The following SNRNP200 variants were observed in gnomAD, a reference collection of about 807,000 sequenced individuals.
The protein encoded by SNRNP200 is small nuclear ribonucleoprotein U5 subunit 200, also known as U5 small nuclear ribonucleoprotein 200 kDa helicase.
SNRNP200 carries 66 observed loss-of-function variants against 255.2 expected under a neutral mutation model. The ratio of observed to expected loss-of-function variants is 0.26; its 90% CI spans 0.21 to 0.32. The LOEUF is 0.32. SNRNP200 is among the 10% of genes least tolerant of loss of function. The pLI is 1.00. For synonymous variants in SNRNP200, 939 were observed against 1,027.8 expected (o/e 0.91, Z 1.65); for missense variants, 1,585 against 2,749.8 (o/e 0.58, Z 9.47).
At position 96,289,882 on chromosome 2, in the gene SNRNP200, G is replaced by T. The variant is rs150917167; in HGVS notation, c.2857C>A (p.Arg953=). The stretch of plus-strand genomic sequence containing the variant: ...GCAGCTGTATGAACCAGATCTAGTC[G>T]GCGCTGGTCCAGCAGGGGATCTCCC... The part of the protein sequence containing the change: ...LKGDPLLDQR[R]LDLVHTAALM... The change falls in exon 21 of 45, where the codon CGA becomes AGA. Residue 953 remains arginine, a synonymous_variant. Transcript: ENST00000323853. The T allele has an allele frequency of 4.3e-5, 69 of 1,614,088 alleles. No individual in the cohort carries two copies. In the African/African-American group the frequency reaches 7.3e-4, roughly 17 times the overall value.
rs2063882563 is a variant in SNRNP200, at chr2:96,291,235, A to C, written c.2421+157T>G. On this transcript the variant is annotated intron_variant, in intron 18 of 44. Transcript: ENST00000323853. This position sits in a 1 kb window ranked among gnomAD's most constrained non-coding sequence, Gnocchi z 4.2. Reference sequence around the variant, plus strand: ...AGGTGGGAAGAGTTGGGAGAGTAGCATAAGGTTCTATTTATTGTGTCCACC... The same window carrying C: ...AGGTGGGAAGAGTTGGGAGAGTAGCCTAAGGTTCTATTTATTGTGTCCACC... Among the ~76,000 whole-genome samples, 3 of 152,182 alleles carry C rather than the reference A, an allele frequency of 2.0e-5. No homozygotes were observed. The highest frequency in any genetic ancestry group is 6.6e-5 in the Admixed American group (1 of 15,266).
chr2:96,289,974 T>C lies in SNRNP200; in HGVS notation c.2765A>G (p.Tyr922Cys). Residue 922 changes from tyrosine to cysteine, a missense_variant, in exon 21 of 45, where the codon TAT (tyrosine) becomes TGT (cysteine). By Grantham distance (194) the Tyr-to-Cys change is radical (BLOSUM62 -2). Around this residue, in one of 9 missense-constraint regions of SNRNP200, gnomAD observed 719 missense variants for 1,091.1 expected, o/e 0.66. Transcript: ENST00000323853. ...NAKDAVNWLGYAYLYIRMLRS... is the reference protein window; with the variant it reads ...NAKDAVNWLGCAYLYIRMLRS... The stretch of plus-strand genomic sequence containing the variant: ...CAGCATTCGGATATAGAGGTAGGCA[T>C]AGCCCAGCCAGTTCACCGCATCCTA... The C allele has an allele frequency of 6.2e-7, 1 of 1,614,178 alleles. No homozygotes were observed. Among genetic ancestry groups the C allele is most frequent in the Non-Finnish European group, 8.5e-7 (1 of 1,180,038 alleles).
Position 96,286,958 on chromosome 2 carries a change from G to A in SNRNP200, c.3639+48C>T, listed in dbSNP as rs570540011. On this transcript the variant is annotated intron_variant, in intron 27 of 44. Coordinates refer to ENST00000323853, the MANE Select transcript of SNRNP200 (RefSeq NM_014014.5). The surrounding 1 kb of genome is among the most constrained non-coding windows in gnomAD (Gnocchi z 4.8). The stretch of plus-strand genomic sequence containing the variant: ...CAATCCATCTCCTCGGCCCAGCAAC[G>A]TAGACTGAGCACCTCCAATCCAGCA... 31 of 1,613,780 alleles carry A rather than the reference G, an allele frequency of 1.9e-5. No homozygotes were observed. The highest frequency in any genetic ancestry group is 1.3e-4 in the South Asian group (12 of 91,072).
In SNRNP200 at chr2:96,298,416, T is replaced by A; in HGVS notation, c.987A>T (p.Leu329Phe). 1 of 1,613,980 alleles carries A rather than the reference T, an allele frequency of 6.2e-7. No individual in the cohort carries two copies. Among genetic ancestry groups the A allele is most frequent in the Non-Finnish European group, 8.5e-7 (1 of 1,180,004 alleles). The change falls in exon 9 of 45, where the codon TTA (leucine) becomes TTT (phenylalanine). Residue 329 changes from leucine (L) to phenylalanine (F), a missense_variant. By Grantham distance (22) the Leu-to-Phe change is conservative (BLOSUM62 0). Coordinates refer to ENST00000323853, the MANE Select transcript of SNRNP200 (RefSeq NM_014014.5). ...GTGCACTGGCCAGCAAGGTACAGTA[T>A]AAAACTACCCACAACAAAAGGAACA... ...KVLRQHRMMI[L>F]YCTLLASAQS...
At chr2:96,296,780 T>C in intron 12 of SNRNP200, 89 bp from the exon 13 acceptor site, 4 of 1,568,030 alleles carry the variant, frequency 2.6e-6, no homozygotes, top group Non-Finnish European at 3.5e-6. Context: ...AAATAGAGAA[T>C]AGAGCTTGTC....
At position 96,286,700 on chromosome 2, in the gene SNRNP200, C is replaced by T. The variant is rs1476508364; in HGVS notation, c.3817G>A (p.Asp1273Asn). The T allele has an allele frequency of 1.9e-6, 3 of 1,613,690 alleles. No homozygotes were observed. Among genetic ancestry groups the T allele is most frequent in the Non-Finnish European group, 2.5e-6 (3 of 1,180,024 alleles). The change falls in exon 28 of 45, where the codon GAC (aspartate) becomes AAC (asparagine). Residue 1273 changes from aspartate to asparagine, a missense_variant. By Grantham distance (23) the Asp-to-Asn change is conservative. Around this residue, in one of 9 missense-constraint regions of SNRNP200, gnomAD observed 719 missense variants for 1,091.1 expected, o/e 0.66. Coordinates refer to ENST00000323853, the MANE Select transcript of SNRNP200 (RefSeq NM_014014.5). The surrounding 1 kb of genome is among the most constrained non-coding windows in gnomAD (Gnocchi z 4.8). The part of the protein sequence containing the change: ...PPQYFIRVVS[D>N]RWLSCETQLP... ...AGGAGACACTCACAGAGCCAGCGGT[C>T]AGACACCACTCGGATGAAGTACTGA...
Position 96,286,620 on chromosome 2 carries a change from A to G in SNRNP200, c.3829+68T>C. The G allele has an allele frequency of 6.3e-7, 1 of 1,599,592 alleles. No homozygotes were observed. The highest frequency in any genetic ancestry group is 8.5e-7 in the Non-Finnish European group (1 of 1,169,724). On this transcript the variant is annotated intron_variant, in intron 28 of 44. Transcript: ENST00000323853. The surrounding 1 kb of genome is among the most constrained non-coding windows in gnomAD (Gnocchi z 4.8). ...CCCAGCAAGGGCAAGCCCGGGACAAAGTGCAAGACATTCTTCTACTGTCCT... is the reference window on the plus strand; with the variant it reads ...CCCAGCAAGGGCAAGCCCGGGACAAGGTGCAAGACATTCTTCTACTGTCCT...
intron 10 of SNRNP200, 23 bp downstream of exon 10, chr2:96,297,614 A>G (rs753340165): frequency 9.9e-6 from 16 of 1,614,080 alleles, no homozygotes; most frequent in Middle Eastern, 1.6e-4. Flanking sequence ...AAGGCCTGGG[A>G]AATAAATCGC....
chr2:96,297,584 A>C, intron 10 of SNRNP200, 48 bp from the exon 11 acceptor site: 1 of 1,614,172 alleles, frequency 6.2e-7, no homozygotes, highest in Middle Eastern at 1.7e-4. Context: ...CAAGCCGAGC[A>C]AGTGAGTTTT....
At chr2:96,276,861 T>C (rs1324807322) in intron 43 of SNRNP200, 43 bp downstream of exon 43, 4 of 1,585,476 alleles carry the variant, frequency 2.5e-6, no homozygotes, top group African/African-American at 2.7e-5. Flanking sequence ...AGCCAATGGA[T>C]AGGGTGAGTT....
intron 43 of SNRNP200, 114 bp downstream of exon 43, chr2:96,276,790 G>A (rs898206935): frequency 2.1e-6 from 2 of 962,900 alleles, no homozygotes; most frequent in Non-Finnish European, 1.7e-6. Context: ...ACCCTTGTGA[G>A]CTGATTATCA....
Position 96,289,348 on chromosome 2 carries a change from T to C in SNRNP200, c.2972A>G (p.Tyr991Cys). Residue 991 changes from tyrosine (Y) to cysteine (C), a missense_variant, in exon 22 of 45, where the codon TAC becomes TGC. Tyr to Cys is a radical substitution (Grantham distance 194). Transcript: ENST00000323853. Reference sequence around the variant, plus strand: ...CTGCACTGTATCATTGGTGATGTAGTAGTGGCTGGCTATACGGCCCAGTTC... The same window carrying C: ...CTGCACTGTATCATTGGTGATGTAGCAGTGGCTGGCTATACGGCCCAGTTC... ...VTELGRIASH[Y>C]YITNDTVQTY... 1 of 1,614,158 alleles carries C rather than the reference T, an allele frequency of 6.2e-7. No homozygotes were observed. Among genetic ancestry groups the C allele is most frequent in the Non-Finnish European group, 8.5e-7 (1 of 1,180,006 alleles).
At chr2:96,305,271 A>C in intron 1 of SNRNP200, 122 bp downstream of exon 1, 1 of 1,291,216 alleles carries the variant, frequency 7.7e-7, no homozygotes, top group Non-Finnish European at 1.1e-6. Context: ...CTTCACCCCG[A>C]TTCCATTTCC....
intron 5 of SNRNP200, 40 bp downstream of exon 5, chr2:96,300,958 C>A (rs367638968): frequency 6.4e-7 from 1 of 1,569,332 alleles, no homozygotes; most frequent in Non-Finnish European, 8.8e-7. Flanking sequence ...CCTTAATCAA[C>A]GTCAAAAACA....
chr2:96,301,022 A>C lies in SNRNP200; in HGVS notation c.606T>G (p.Asn202Lys). 1 of 1,614,064 alleles carries C rather than the reference A, an allele frequency of 6.2e-7. No individual in the cohort carries two copies. The highest frequency in any genetic ancestry group is 8.5e-7 in the Non-Finnish European group (1 of 1,179,932). Reference protein sequence around the residue: ...DDNIDETYGVNVQFESDEEEG... With the variant: ...DDNIDETYGVKVQFESDEEEG... ...CCTCCTCATCAGACTCAAACTGCACATTCACACCGTATGTCTCATCAATGT... is the reference window on the plus strand; with the variant it reads ...CCTCCTCATCAGACTCAAACTGCACCTTCACACCGTATGTCTCATCAATGT... Residue 202 changes from asparagine to lysine, a missense_variant, in exon 5 of 45, where the codon AAT becomes AAG. Around this residue, in one of 9 missense-constraint regions of SNRNP200, gnomAD observed 383 missense variants for 645.3 expected, o/e 0.59. Coordinates refer to ENST00000323853, the MANE Select transcript of SNRNP200 (RefSeq NM_014014.5).
Position 96,289,254 on chromosome 2 carries a change from A to G in SNRNP200, c.3066T>C (p.Ser1022=). ...CTCTCACTGTGATGTTCTTGAACTC[A>G]GAGGACAATGAGAAGACCCTGAAAA... ...IELFRVFSLS[S]EFKNITVREE... Residue 1022 remains serine, a synonymous_variant, in exon 22 of 45, where the codon TCT becomes TCC. Transcript: ENST00000323853. The G allele has an allele frequency of 3.1e-6, 5 of 1,614,262 alleles. No homozygotes were observed. The highest frequency in any genetic ancestry group is 4.2e-6 in the Non-Finnish European group (5 of 1,180,038).
At position 96,283,128 on chromosome 2, in the gene SNRNP200, C is replaced by A; in HGVS notation, c.4915+73G>T. ...GTATGCTGTAGAGAAAACACTGCCA[C>A]CCGCACCCCTCAAGTTTAACACCAC... On this transcript the variant is annotated intron_variant, in intron 34 of 44. Transcript: ENST00000323853. The surrounding 1 kb of genome is among the most constrained non-coding windows in gnomAD (Gnocchi z 4.7). 2.5e-6 allele frequency: 4 copies of A among 1,580,138 alleles called. No homozygotes were observed. Among genetic ancestry groups the A allele is most frequent in the Non-Finnish European group, 2.6e-6 (3 of 1,155,118 alleles).
intron 34 of SNRNP200, chr2:96,282,535 C>T (rs76047826): frequency 0.018 from 3,172 of 177,892 alleles, 50 homozygotes; most frequent in African/African-American, 0.027. Context: ...ATCTCGTCGA[C>T]CTGTAGTCTC....
chr2:96,288,052 C>T (rs2063854480), intron 24 of SNRNP200, 83 bp from the exon 25 acceptor site: 1 of 1,273,104 alleles, frequency 7.9e-7, no homozygotes, highest in Non-Finnish European at 1.1e-6. Context: ...GTTTCATTAC[C>T]TCCAGCTCTG....
Sources: allele counts gnomAD v4.1 joint callset (sites outside exome capture counted in the v4.1 genomes callset), GRCh38; gene constraint gnomAD v4.1.1; regional missense constraint gnomAD v4.1.1; non-coding constraint Gnocchi (gnomAD v3.1); transcripts MANE v1.5; gene names NCBI Gene and HGNC (gene_info 2026-07-23, HGNC 2026-07-21).